The following XPNPEP3 variants were observed in gnomAD, a reference collection of about 807,000 sequenced individuals.
The protein encoded by XPNPEP3 is xaa-Pro aminopeptidase 3.
Under a neutral mutation model 60.0 loss-of-function variants are expected in XPNPEP3, and 41 were observed. The ratio of observed to expected loss-of-function variants is 0.68; its 90% CI spans 0.53 to 0.89. The LOEUF is 0.89. Ranked by LOEUF, XPNPEP3 falls within the 40% of genes least tolerant of loss-of-function variation. XPNPEP3 has a pLI of 0.00. For synonymous variants in XPNPEP3, 212 were observed against 223.2 expected (o/e 0.95, Z 0.45); for missense variants, 598 against 638.9 (o/e 0.94, Z 0.69).
Position 40,869,096 on chromosome 22 carries a change from C to G in XPNPEP3, c.162C>G (p.His54Gln). The change falls in exon 2 of 10, where the codon CAC (histidine) becomes CAG (glutamine). Residue 54 changes from histidine (H) to glutamine (Q), a missense_variant. His to Gln is a conservative substitution (Grantham distance 24). Coordinates refer to ENST00000357137, the MANE Select transcript of XPNPEP3 (RefSeq NM_022098.4). ...RYLGQPSPFT[H>Q]PHLLRPGEVT... ...TAGGCCAGCCCAGCCCCTTTACACA[C>G]CCACACCTCCTCAGACCAGGTAAGG... 1 of 1,613,966 alleles carries G rather than the reference C, an allele frequency of 6.2e-7. No individual in the cohort carries two copies. Among genetic ancestry groups the G allele is most frequent in the Non-Finnish European group, 8.5e-7 (1 of 1,179,892 alleles).
rs2058068120 is a variant in XPNPEP3 at position 40,886,258 on chromosome 22, T to C, written c.590-55T>C. The C allele has an allele frequency of 3.8e-6, 6 of 1,569,964 alleles. No homozygotes were observed. In the South Asian group the frequency reaches 4.4e-5, roughly 12 times the overall value. On this transcript the variant is annotated intron_variant, in intron 3 of 9. Transcript: ENST00000357137. ...GTTCAAGTCGTTATGACAGTTGATA[T>C]TTCTTGTTGCTGGTAGTTTTGTTTT...
At chr22:40,899,817 C>CAAAAAA (rs1336628860) in intron 4 of XPNPEP3, among the ~76,000 whole-genome samples, 1 of 54,228 alleles carries the variant, frequency 1.8e-5, no homozygotes, top group Non-Finnish European at 3.9e-5. Context: ...GACTCTATCT[C>CAAAAAA]AAAAAAAAAA....
intron 6 of XPNPEP3, among the ~76,000 whole-genome samples, chr22:40,909,579 A>G (rs548689032): frequency 6.6e-6 from 1 of 152,218 alleles, no homozygotes; most frequent in African/African-American, 2.4e-5. Context: ...AGCCTGGCCA[A>G]CATGGTGAAA....
At chr22:40,921,035 A>T (rs1007439040) in intron 7 of XPNPEP3, among the ~76,000 whole-genome samples, 1 of 151,746 alleles carries the variant, frequency 6.6e-6, no homozygotes, top group Non-Finnish European at 1.5e-5. Context: ...CAGGTGATCC[A>T]CCCGCCTCGG....
chr22:40,857,282 C>G, intron 1 of XPNPEP3, 37 bp downstream of exon 1: 1 of 1,612,294 alleles, frequency 6.2e-7, no homozygotes. Context: ...CCCATGGTGT[C>G]CCCTGGAGGG....
chr22:40,903,912 A>ACACACACAC (rs1491168586), intron 4 of XPNPEP3, among the ~76,000 whole-genome samples: 1 of 130,424 alleles, frequency 7.7e-6, no homozygotes, highest in African/African-American at 2.8e-5. Flanking sequence ...ACACACACAC[A>ACACACACAC]AGTTTCATGA....
At position 40,922,353 on chromosome 22, in the gene XPNPEP3, A is replaced by G. The variant is rs369703956; in HGVS notation, c.1076A>G (p.Glu359Gly). 6 of 1,613,746 alleles carry G rather than the reference A, an allele frequency of 3.7e-6. No individual in the cohort carries two copies. The highest frequency in any genetic ancestry group is 2.7e-5 in the African/African-American group (2 of 74,886). ...CCCAGGTTCACCGCACCTCAGGCAGAACTCTATGAAGCCGTTCTAGAGATC... is the reference window on the plus strand; with the variant it reads ...CCCAGGTTCACCGCACCTCAGGCAGGACTCTATGAAGCCGTTCTAGAGATC... ...VNGRFTAPQAELYEAVLEIQR... is the reference protein window; with the variant it reads ...VNGRFTAPQAGLYEAVLEIQR... The change falls in exon 8 of 10, where the codon GAA becomes GGA. Residue 359 changes from glutamate (E) to glycine (G), a missense_variant. Physicochemically the swap from Glu to Gly is moderately conservative, Grantham distance 98. Coordinates refer to ENST00000357137, the MANE Select transcript of XPNPEP3 (RefSeq NM_022098.4).
At chr22:40,871,902 G>A (rs1201306187) in intron 2 of XPNPEP3, among the ~76,000 whole-genome samples, 1 of 152,048 alleles carries the variant, frequency 6.6e-6, no homozygotes, top group South Asian at 2.1e-4. Flanking sequence ...GCATGGTGGC[G>A]CATGCCTGTA....
intron 4 of XPNPEP3, among the ~76,000 whole-genome samples, chr22:40,906,061 G>T (rs2058154085): frequency 6.6e-6 from 1 of 152,100 alleles, no homozygotes; most frequent in Non-Finnish European, 1.5e-5. Context: ...AAAGTGCTGA[G>T]ATTACAGGCT....
chr22:40,858,601 G>C (rs903875052), intron 1 of XPNPEP3, among the ~76,000 whole-genome samples: 4 of 126,262 alleles, frequency 3.2e-5, no homozygotes, highest in African/African-American at 1.2e-4. Context: ...GCGATCTCTT[G>C]CCTTACTGCA....
At chr22:40,902,794 T>G (rs1003319708) in intron 4 of XPNPEP3, among the ~76,000 whole-genome samples, 2 of 152,214 alleles carry the variant, frequency 1.3e-5, no homozygotes, top group African/African-American at 4.8e-5. Context: ...ATATAGCAAC[T>G]GCATTAAAGT....
intron 4 of XPNPEP3, among the ~76,000 whole-genome samples, chr22:40,895,998 T>C (rs533104902): frequency 6.6e-6 from 1 of 152,312 alleles, no homozygotes; most frequent in East Asian, 1.9e-4. Context: ...CTTCATCTCT[T>C]ACCATGCTGA....
chr22:40,861,584 A>G, intron 1 of XPNPEP3: 1 of 1,613,350 alleles, frequency 6.2e-7, no homozygotes, highest in Non-Finnish European at 8.5e-7. Flanking sequence ...CAGTGGAGAA[A>G]AAGTATCCTG....
intron 4 of XPNPEP3, among the ~76,000 whole-genome samples, chr22:40,905,881 C>T (rs945590291): frequency 1.3e-5 from 2 of 152,084 alleles, no homozygotes; most frequent in African/African-American, 4.8e-5. Context: ...CAACCTCTGC[C>T]TCCCAGTTCA....
chr22:40,909,336 C>A, intron 6 of XPNPEP3, 101 bp downstream of exon 6: 1 of 923,254 alleles, frequency 1.1e-6, no homozygotes, highest in Non-Finnish European at 1.8e-6. Context: ...CACAAATTAG[C>A]TGACATTTTA....
chr22:40,898,100 T>G (rs1364043783), intron 4 of XPNPEP3, among the ~76,000 whole-genome samples: 1 of 151,810 alleles, frequency 6.6e-6, no homozygotes, highest in Non-Finnish European at 1.5e-5. Flanking sequence ...GTCCAGTTTT[T>G]TTGTTGTTGT....
chr22:40,919,468 G>A lies in XPNPEP3; in HGVS notation c.1056-2865G>A, dbSNP rs543598963. 3.3e-5 allele frequency among the ~76,000 whole-genome samples: 5 copies of A among 152,086 alleles called. No individual in the cohort carries two copies. In the South Asian group the frequency reaches 6.2e-4, roughly 19 times the overall value. On this transcript the variant is annotated intron_variant, in intron 7 of 9. Transcript: ENST00000357137. ...TACTTGGTTGGCTGAGGCAGAGAGC[G>A]ATCCTCACATCTCAACCTCCCAAGT...
rs770788447 is a variant in XPNPEP3, at chr22:40,922,357, C to CT, written c.1081dup (p.Tyr361LeufsTer2). ...GGTTCACCGCACCTCAGGCAGAACT[C>CT]TATGAAGCCGTTCTAGAGATCCAAA... On this transcript the variant is annotated frameshift_variant, in exon 8 of 10. Coordinates refer to ENST00000357137, the MANE Select transcript of XPNPEP3 (RefSeq NM_022098.4). LOFTEE classifies it high-confidence loss of function. 2.5e-6 allele frequency: 4 copies of CT among 1,613,882 alleles called. No individual in the cohort carries two copies. The highest frequency in any genetic ancestry group is 3.4e-6 in the Non-Finnish European group (4 of 1,179,852).
intron 7 of XPNPEP3, among the ~76,000 whole-genome samples, chr22:40,915,764 A>C (rs547953169): frequency 1.3e-5 from 2 of 152,278 alleles, no homozygotes; most frequent in East Asian, 3.9e-4. Context: ...TGAGCCCCAA[A>C]ATCTGCATAC....
Sources: gnomAD v4.1 joint callset for allele counts (sites outside exome capture counted in the v4.1 genomes callset) on GRCh38, gnomAD v4.1.1 for gene constraint, MANE v1.5 for transcripts, NCBI Gene and HGNC (gene_info 2026-07-23, HGNC 2026-07-21) for gene names.